The following CFAP47 variants were observed in gnomAD, a reference collection of about 807,000 sequenced individuals.
CFAP47 encodes the protein cilia- and flagella-associated protein 47.
Under a neutral mutation model 148.1 loss-of-function variants are expected in CFAP47, and 29 were observed. The ratio of observed to expected loss-of-function variants is 0.20; its 90% CI spans 0.15 to 0.27. The LOEUF (loss-of-function observed/expected upper bound fraction) is 0.27. Among genes scored for constraint, CFAP47 ranks in the 10% least tolerant of loss-of-function variants. The pLI is 1.00. For synonymous variants in CFAP47, 664 were observed against 577.3 expected (o/e 1.15, Z -2.15); for missense variants, 1,872 against 1,697.5 (o/e 1.10, Z -1.81).
intron 8 of CFAP47, among the ~76,000 whole-genome samples, chrX:35,962,949 GTGTGTGTGTGTGTGTGTGTGTGTA>G (rs893517522): frequency 3.7e-5 from 4 of 108,032 alleles, no homozygotes; most frequent in African/African-American, 1.3e-4. Flanking sequence ...GTGTGTGTGT[GTGTGTGTGTGTGTGTGTGTGTGTA>G]TGTGTATGAA....
At chrX:36,035,906 A>T (rs1937332618) in intron 24 of CFAP47, 52 bp downstream of exon 24, 3 of 287,474 alleles carry the variant, frequency 1.0e-5, no homozygotes, top group Non-Finnish European at 1.8e-5. Context: ...TACCCTTCAT[A>T]TATGAAATTG....
At chrX:36,380,889 T>C (rs1942072185) in intron 63 of CFAP47, among the ~76,000 whole-genome samples, 1 of 112,146 alleles carries the variant, frequency 8.9e-6, no homozygotes, top group South Asian at 3.7e-4. Context: ...ACAGAAGGCT[T>C]TACCAACAAA....
At chrX:36,328,650 A>T (rs1304783211) in intron 57 of CFAP47, among the ~76,000 whole-genome samples, 3 of 106,886 alleles carry the variant, frequency 2.8e-5, no homozygotes, top group African/African-American at 1.0e-4. Flanking sequence ...CTCTACTAAA[A>T]ATACAAAAAA....
In CFAP47 at chrX:36,205,127, G is replaced by A. The variant is rs73197180; in HGVS notation, c.6817+17G>A. On this transcript the variant is annotated intron_variant, in intron 45 of 63. Transcript: ENST00000378653. ...AAGCAAAAGGTAATCAGTGATGTGC[G>A]GCCTAAAAATCTAAGTGTTCCGGGA... 5.1e-4 allele frequency: 151 copies of A among 293,468 alleles called. No individual in the cohort carries two copies. Among genetic ancestry groups the A allele is most frequent in the Non-Finnish European group, 7.5e-4 (126 of 168,511 alleles). The allele number at this position is 293,468 out of a possible 1,213,427, so 24.2% of individuals were successfully genotyped here.
chrX:36,025,841 A>G (rs1937209897), intron 22 of CFAP47, among the ~76,000 whole-genome samples: 1 of 111,071 alleles, frequency 9.0e-6, no homozygotes, highest in Non-Finnish European at 1.9e-5. Context: ...AGCTGTTTAT[A>G]TTATTTTTAT....
Position 36,073,314 on chromosome X carries a change from T to C in CFAP47, c.4641T>C (p.Phe1547=), listed in dbSNP as rs1488650957. 8.3e-7 allele frequency: 1 copy of C among 1,210,483 alleles called. No homozygotes were observed. The highest frequency in any genetic ancestry group is 1.8e-5 in the South Asian group (1 of 56,906). The change falls in exon 29 of 64, where the codon TTT becomes TTC. Residue 1547 remains phenylalanine, a synonymous_variant. Coordinates refer to ENST00000378653, the MANE Select transcript of CFAP47 (RefSeq NM_001304548.2). ...VNAAQTWFSL[F]GWPEGPHSFS... is the part of the protein sequence containing the mutation. ...CAGCACAGACCTGGTTCAGTCTCTTTGGCTGGCCTGAAGGACCCCATTCTT... is the reference window on the plus strand; with the variant it reads ...CAGCACAGACCTGGTTCAGTCTCTTCGGCTGGCCTGAAGGACCCCATTCTT...
intron 63 of CFAP47, among the ~76,000 whole-genome samples, chrX:36,380,450 T>A (rs1459309924): frequency 8.9e-6 from 1 of 111,737 alleles, no homozygotes; most frequent in Non-Finnish European, 1.9e-5. Context: ...GATACATAAT[T>A]TTTTTTTTCC....
intron 40 of CFAP47, among the ~76,000 whole-genome samples, chrX:36,182,720 T>C (rs1939764087): frequency 9.1e-6 from 1 of 109,883 alleles, no homozygotes; most frequent in Non-Finnish European, 1.9e-5. Flanking sequence ...ATAATCTCTA[T>C]GTTTAACCAG....
intron 10 of CFAP47, 92 bp downstream of exon 10, chrX:35,967,924 A>G: frequency 6.1e-6 from 2 of 326,537 alleles, no homozygotes; most frequent in Non-Finnish European, 1.0e-5. Context: ...GTATAACACT[A>G]ATGATTACAA....
chrX:36,167,540 C>T (rs138312882), intron 39 of CFAP47, among the ~76,000 whole-genome samples: 3,674 of 111,081 alleles, frequency 0.033, 54 homozygotes, highest in Middle Eastern at 0.056. Flanking sequence ...AGCTTCAGTC[C>T]GTGAGTGGGT....
intron 45 of CFAP47, among the ~76,000 whole-genome samples, chrX:36,217,646 C>T (rs1310586351): frequency 9.0e-6 from 1 of 111,532 alleles, no homozygotes; most frequent in Non-Finnish European, 1.9e-5. Context: ...TACTAACATT[C>T]TGGTTTTCTG....
At chrX:35,968,695 G>T (rs1013103815) in intron 10 of CFAP47, among the ~76,000 whole-genome samples, 9 of 110,518 alleles carry the variant, frequency 8.1e-5, no homozygotes, top group African/African-American at 3.0e-4. Context: ...GTCTATGATA[G>T]GAAAAGTCCA....
intron 21 of CFAP47, among the ~76,000 whole-genome samples, chrX:36,003,954 T>G (rs1936947559): frequency 1.0e-5 from 1 of 99,281 alleles, no homozygotes; most frequent in African/African-American, 3.9e-5. Flanking sequence ...ATCACTAGCA[T>G]TTCTTTCTTT....
chrX:36,173,855 T>C (rs1307504452), intron 39 of CFAP47, among the ~76,000 whole-genome samples: 1 of 111,692 alleles, frequency 9.0e-6, no homozygotes, highest in Non-Finnish European at 1.9e-5. Flanking sequence ...TAGGTATCCT[T>C]GTTGACTTTC....
At position 36,357,714 on chromosome X, in the gene CFAP47, A is replaced by G. The variant is rs782528429; in HGVS notation, c.8852-3616A>G. On this transcript the variant is annotated intron_variant, in intron 60 of 63. Coordinates refer to ENST00000378653, the MANE Select transcript of CFAP47 (RefSeq NM_001304548.2). Reference sequence around the variant, plus strand: ...AAGATTACAAATTACTCTGTGGGCAAGATTTCTCCTATAAGTGTATTTCTT... The same window carrying G: ...AAGATTACAAATTACTCTGTGGGCAGGATTTCTCCTATAAGTGTATTTCTT... 1.3e-4 allele frequency among the ~76,000 whole-genome samples: 15 copies of G among 111,394 alleles called. No homozygotes were observed. The South Asian group carries it at 5.7e-3, about 43-fold the overall frequency.
intron 33 of CFAP47, among the ~76,000 whole-genome samples, chrX:36,132,043 A>G (rs1242466226): frequency 9.0e-6 from 1 of 111,540 alleles, no homozygotes; most frequent in Non-Finnish European, 1.9e-5. Flanking sequence ...ATAAAAATGT[A>G]CTGTTATAGT....
At chrX:36,034,411 A>ACT in intron 23 of CFAP47, among the ~76,000 whole-genome samples, 1 of 110,799 alleles carries the variant, frequency 9.0e-6, no homozygotes, top group East Asian at 2.8e-4. Flanking sequence ...CCCATACTCT[A>ACT]TCCTTTGGAA....
At chrX:35,930,474 T>C (rs1935810530) in intron 2 of CFAP47, among the ~76,000 whole-genome samples, 1 of 111,409 alleles carries the variant, frequency 9.0e-6, no homozygotes, top group South Asian at 3.8e-4. Context: ...CCTCATAAAA[T>C]GAATTTGGAA....
Position 36,374,774 on chromosome X carries a change from G to T in CFAP47, c.9186-4576G>T, listed in dbSNP as rs111343034. ...TTTTTTTCCATGAGGCATTTTATTT[G>T]TAAATATGTATTACATCTCTAGAAA... On this transcript the variant is annotated intron_variant, in intron 62 of 63. Transcript: ENST00000378653. 5,681 of 638,939 alleles carry T rather than the reference G, an allele frequency of 8.9e-3. 225 individuals are homozygous for T. In the African/African-American group the frequency reaches 0.11, roughly 12 times the overall value. The allele number at this position is 638,939 out of a possible 1,213,427, so 52.7% of individuals were successfully genotyped here. A position where few individuals can be genotyped will look rare whatever the true frequency, so the allele number is the denominator to read the frequency against.
Sources: gnomAD v4.1 joint callset for allele counts (sites outside exome capture counted in the v4.1 genomes callset) on GRCh38, gnomAD v4.1.1 for gene constraint, MANE v1.5 for transcripts, NCBI Gene and HGNC (gene_info 2026-07-23, HGNC 2026-07-21) for gene names.